PTPRM: variants seen among roughly 807,000 people sequenced by gnomAD.
The protein encoded by PTPRM is protein tyrosine phosphatase receptor type M.
Under a neutral mutation model 186.7 loss-of-function variants are expected in PTPRM, and 47 were observed. The ratio of observed to expected loss-of-function variants is 0.25; its 90% CI spans 0.20 to 0.32. The LOEUF (loss-of-function observed/expected upper bound fraction) is 0.32, where lower values mean the gene tolerates loss of function less well. Among genes scored for constraint, PTPRM ranks in the 10% least tolerant of loss-of-function variants. The pLI is 1.00. For synonymous variants in PTPRM, 668 were observed against 674.9 expected (o/e 0.99, Z 0.16); for missense variants, 1,494 against 1,865.0 (o/e 0.80, Z 3.66).
chr18:8,023,278 A>G (rs929628443), intron 7 of PTPRM, among the ~76,000 whole-genome samples: 10 of 152,172 alleles, frequency 6.6e-5, no homozygotes, highest in African/African-American at 2.4e-4. Context: ...GTTCAGTCAA[A>G]TGAATTTAGA....
At chr18:8,138,605 A>C (rs1350340657) in intron 13 of PTPRM, among the ~76,000 whole-genome samples, 1 of 152,016 alleles carries the variant, frequency 6.6e-6, no homozygotes, top group East Asian at 1.9e-4. Flanking sequence ...AGACCTTTCA[A>C]ATGCTCTGCT....
intron 2 of PTPRM, among the ~76,000 whole-genome samples, chr18:7,825,435 G>A (rs1024937000): frequency 6.6e-5 from 10 of 152,194 alleles, no homozygotes; most frequent in Non-Finnish European, 1.3e-4. Flanking sequence ...AACTGAGAAA[G>A]TTTGGCAACT....
chr18:8,296,359 T>C lies in PTPRM; in HGVS notation c.2755-9T>C. On this transcript the variant is annotated splice_polypyrimidine_tract_variant and intron_variant, in intron 19 of 32. Coordinates refer to ENST00000580170, the MANE Select transcript of PTPRM (RefSeq NM_001105244.2). ...CAAATTGTAATTCTCAGTCTCACTT[T>C]CCTTCTAGAGCTTCTTTGAAGGGCA... The C allele has an allele frequency of 6.3e-7, 1 of 1,578,756 alleles. No homozygotes were observed. The highest frequency in any genetic ancestry group is 1.3e-5 in the African/African-American group (1 of 74,322).
chr18:8,403,878 C>T (rs1460270185), intron 32 of PTPRM: 4 of 152,198 alleles, frequency 2.6e-5, no homozygotes, highest in African/African-American at 7.2e-5. Flanking sequence ...AGTTCATCCA[C>T]GTTGTAACAT....
intron 31 of PTPRM, among the ~76,000 whole-genome samples, chr18:8,392,460 TAA>T (rs915564481): frequency 6.6e-5 from 10 of 151,646 alleles, no homozygotes; most frequent in Non-Finnish European, 1.0e-4. Context: ...CCATCTCTAC[TAA>T]AAAAATACAA....
intron 11 of PTPRM, among the ~76,000 whole-genome samples, chr18:8,100,207 C>T (rs762236186): frequency 6.6e-6 from 1 of 151,998 alleles, no homozygotes; most frequent in East Asian, 1.9e-4. Context: ...GGCGTGATCT[C>T]GGCTCACTGC....
intron 14 of PTPRM, among the ~76,000 whole-genome samples, chr18:8,204,668 T>C (rs891869091): frequency 2.0e-5 from 3 of 151,980 alleles, no homozygotes; most frequent in African/African-American, 4.8e-5. Flanking sequence ...TTCGCATCAC[T>C]GAGGAGTGTT....
At chr18:7,970,913 C>G (rs1316528036) in intron 7 of PTPRM, among the ~76,000 whole-genome samples, 1 of 112,732 alleles carries the variant, frequency 8.9e-6, no homozygotes, top group East Asian at 2.2e-4. Flanking sequence ...CAATGCCATC[C>G]CCATCAAGCT....
intron 13 of PTPRM, among the ~76,000 whole-genome samples, chr18:8,129,618 T>A (rs1228249587): frequency 2.0e-5 from 3 of 152,220 alleles, no homozygotes; most frequent in Non-Finnish European, 4.4e-5. Context: ...TTAGGCTCTC[T>A]TGTACATAAA....
At chr18:8,229,637 A>G (rs986125708) in intron 14 of PTPRM, among the ~76,000 whole-genome samples, 6 of 152,326 alleles carry the variant, frequency 3.9e-5, no homozygotes, top group Non-Finnish European at 4.4e-5. Flanking sequence ...TCTCAGAGTC[A>G]TGCAAGACAT....
At chr18:8,008,235 C>A (rs527304566) in intron 7 of PTPRM, among the ~76,000 whole-genome samples, 1 of 152,188 alleles carries the variant, frequency 6.6e-6, no homozygotes, top group South Asian at 2.1e-4. Flanking sequence ...CATAAAATTG[C>A]AGAGGATCAG....
intron 4 of PTPRM, among the ~76,000 whole-genome samples, chr18:7,914,973 T>C (rs1262281708): frequency 3.3e-5 from 5 of 152,174 alleles, no homozygotes; most frequent in Non-Finnish European, 7.4e-5. Flanking sequence ...GACATAGTCC[T>C]CTTGTTCCAC....
At chr18:8,248,853 G>T (rs938156030) in intron 17 of PTPRM, among the ~76,000 whole-genome samples, 1 of 152,160 alleles carries the variant, frequency 6.6e-6, no homozygotes, top group Non-Finnish European at 1.5e-5. Context: ...ATGAACTAAG[G>T]TGTTAGCCCG....
chr18:8,212,028 G>C (rs1037091625), intron 14 of PTPRM, among the ~76,000 whole-genome samples: 3 of 152,130 alleles, frequency 2.0e-5, no homozygotes, highest in Admixed American at 1.3e-4. Context: ...ACTGGCTGTA[G>C]GGTGAGCTGG....
At chr18:8,021,238 C>T (rs954436448) in intron 7 of PTPRM, among the ~76,000 whole-genome samples, 1 of 151,882 alleles carries the variant, frequency 6.6e-6, no homozygotes, top group Non-Finnish European at 1.5e-5. Context: ...AACAGTCCTG[C>T]AGGTGCTGTG....
intron 7 of PTPRM, among the ~76,000 whole-genome samples, chr18:7,993,001 C>T (rs372540889): frequency 6.6e-6 from 1 of 151,664 alleles, no homozygotes. Context: ...CTGTTACCAT[C>T]CTACCACCAC....
At chr18:8,130,240 T>C (rs761389759) in intron 13 of PTPRM, among the ~76,000 whole-genome samples, 10 of 152,118 alleles carry the variant, frequency 6.6e-5, no homozygotes, top group Non-Finnish European at 1.0e-4. Context: ...TCTCTCTGTC[T>C]GGGGAGGTTG....
At position 8,036,275 on chromosome 18, in the gene PTPRM, A is replaced by G. The variant is rs2086323307; in HGVS notation, c.1133-33411A>G. 3.3e-5 allele frequency among the ~76,000 whole-genome samples: 5 copies of G among 152,272 alleles called. No individual in the cohort carries two copies. The South Asian group carries it at 1.0e-3, about 32-fold the overall frequency. ...ACAATAGAAAATGTTCTACACTCTGATTTGTCCCAAACAGCATCTACTGCC... is the reference window on the plus strand; with the variant it reads ...ACAATAGAAAATGTTCTACACTCTGGTTTGTCCCAAACAGCATCTACTGCC... On this transcript the variant is annotated intron_variant, in intron 7 of 32. Coordinates refer to ENST00000580170, the MANE Select transcript of PTPRM (RefSeq NM_001105244.2).
intron 1 of PTPRM, among the ~76,000 whole-genome samples, chr18:7,726,362 G>C (rs559274290): frequency 1.3e-5 from 2 of 152,220 alleles, no homozygotes; most frequent in Non-Finnish European, 2.9e-5. Flanking sequence ...TGAGTTTTAA[G>C]ATTTCTTTAT....
Sources: allele counts gnomAD v4.1 joint callset (sites outside exome capture counted in the v4.1 genomes callset), GRCh38; gene constraint gnomAD v4.1.1; transcripts MANE v1.5; gene names NCBI Gene and HGNC (gene_info 2026-07-23, HGNC 2026-07-21).